Variants in CEP95 observed in about 807,000 individuals in gnomAD.
The protein encoded by CEP95 is centrosomal protein of 95 kDa.
In CEP95, 98 loss-of-function variants were observed where a neutral mutation model predicts 111.2. That is an observed-to-expected ratio of 0.88 (90% CI 0.75 to 1.04). The LOEUF is 1.04. Ranked by LOEUF, CEP95 falls within the 50% of genes least tolerant of loss-of-function variation. CEP95 has a pLI of 0.00. For synonymous variants in CEP95, 323 were observed against 327.1 expected, an observed-to-expected ratio of 0.99 and a Z score of 0.14; for missense variants, 1,027 against 977.2, an observed-to-expected ratio of 1.05 and a Z score of -0.68.
chr17:64,533,164 GAA>G lies in CEP95; in HGVS notation c.1892_1893del (p.Lys631ArgfsTer3), dbSNP rs1555680785. Reference protein sequence around the residue: ...RHDLLTTLVKKEYEHNKRLQD... With the variant: ...RHDLLTTLVKXEYEHNKRLQD... ...ATGACCTCCTTACTACCCTTGTCAA[GAA>G]AGAATATGAACATAACAAGAGACTG... On this transcript the variant is annotated frameshift_variant, in exon 16 of 20. Coordinates refer to ENST00000556440, the MANE Select transcript of CEP95 (RefSeq NM_138363.3). LOFTEE classifies it high-confidence loss of function. The G allele has an allele frequency of 6.3e-7, 1 of 1,589,846 alleles. No individual in the cohort carries two copies. The highest frequency in any genetic ancestry group is 1.2e-5 in the South Asian group (1 of 86,560).
At position 64,537,153 on chromosome 17, in the gene CEP95, A is replaced by C. The variant is rs1371821856; in HGVS notation, c.2289+41A>C. 3 of 1,597,540 alleles carry C rather than the reference A, an allele frequency of 1.9e-6. No homozygotes were observed. In the African/African-American group the frequency reaches 4.0e-5, roughly 22 times the overall value. On this transcript the variant is annotated intron_variant, in intron 19 of 19. Transcript: ENST00000556440. ...GAAGCCAAGTCATGCACTGCATGGC[A>C]ATGTTTCTTTCAGCAAGGGACCTCG...
chr17:64,507,820 G>C (rs1478568334), intron 1 of CEP95: 1 of 985,214 alleles, frequency 1.0e-6, no homozygotes, highest in Non-Finnish European at 1.2e-6. Context: ...TTCTAATACC[G>C]ATTGAAAGTG....
intron 7 of CEP95, among the ~76,000 whole-genome samples, chr17:64,522,176 T>C (rs1197562598): frequency 1.3e-5 from 2 of 152,164 alleles, no homozygotes; most frequent in African/African-American, 2.4e-5. Flanking sequence ...TGTTTCTTAT[T>C]ATCATCTCTG....
chr17:64,510,158 T>G lies in CEP95; in HGVS notation c.149-15T>G. 6 of 1,496,370 alleles carry G rather than the reference T, an allele frequency of 4.0e-6. No individual in the cohort carries two copies. The highest frequency in any genetic ancestry group is 5.5e-6 in the Non-Finnish European group (6 of 1,085,222). The allele number at this position is 1,496,370 out of a possible 1,614,324, so 92.7% of individuals were successfully genotyped here. ...TCTCATGGATACAAAATTATGTGATTTTTTCCCCCCCCAGACCTCATAGTT... is the reference window on the plus strand; with the variant it reads ...TCTCATGGATACAAAATTATGTGATGTTTTCCCCCCCCAGACCTCATAGTT... On this transcript the variant is annotated splice_polypyrimidine_tract_variant and intron_variant, in intron 2 of 19. Transcript: ENST00000556440.
intron 13 of CEP95, 22 bp from the exon 14 acceptor site, chr17:64,531,868 C>T: frequency 6.7e-7 from 1 of 1,491,090 alleles, no homozygotes; most frequent in Non-Finnish European, 8.9e-7. Flanking sequence ...TATTTTTATT[C>T]TGTTTTATAT....
At chr17:64,526,324 T>C (rs1184166630) in intron 10 of CEP95, 124 bp downstream of exon 10, 1 of 951,754 alleles carries the variant, frequency 1.1e-6, no homozygotes, top group South Asian at 2.2e-5. Context: ...ACTGTGAAAA[T>C]GTTCCGTAAG....
At chr17:64,510,097 T>C in intron 2 of CEP95, 76 bp from the exon 3 acceptor site, 3 of 767,918 alleles carry the variant, frequency 3.9e-6, no homozygotes. Context: ...GCATATTCAG[T>C]AGCCTAGTCA....
intron 13 of CEP95, 83 bp downstream of exon 13, chr17:64,531,101 G>T: frequency 2.9e-6 from 2 of 692,550 alleles, no homozygotes; most frequent in Non-Finnish European, 2.3e-6. Flanking sequence ...AAAGAAGAAG[G>T]GGCCAACAGG....
intron 3 of CEP95, 119 bp downstream of exon 3, chr17:64,510,399 T>TTTGG: frequency 1.5e-6 from 1 of 670,446 alleles, no homozygotes; most frequent in Non-Finnish European, 2.7e-6. Flanking sequence ...AATTGTAAGA[T>TTTGG]TGAGCTAAGA....
At chr17:64,517,051 T>C (rs1555676504) in intron 5 of CEP95, among the ~76,000 whole-genome samples, 1 of 152,062 alleles carries the variant, frequency 6.6e-6, no homozygotes, top group East Asian at 1.9e-4. Flanking sequence ...TATTTTTCTT[T>C]TTTTTTCTTT....
intron 8 of CEP95, 53 bp downstream of exon 8, chr17:64,522,948 C>CTG (rs1439675570): frequency 1.5e-6 from 2 of 1,372,316 alleles, no homozygotes; most frequent in Admixed American, 4.1e-5. Context: ...GTATGTATGT[C>CTG]TGTGTGTGTG....
intron 5 of CEP95, among the ~76,000 whole-genome samples, chr17:64,519,086 C>T (rs1293042865): frequency 6.6e-6 from 1 of 152,208 alleles, no homozygotes; most frequent in South Asian, 2.1e-4. Flanking sequence ...CCTTCACTCC[C>T]ACACCCTAGA....
intron 3 of CEP95, among the ~76,000 whole-genome samples, chr17:64,511,394 G>C (rs555889982): frequency 4.9e-4 from 75 of 152,324 alleles, no homozygotes; most frequent in Non-Finnish European, 9.4e-4. Context: ...CCTGCCCCCA[G>C]GCGTGTATTC....
In CEP95 at chr17:64,530,942, T is replaced by A. The variant is rs1968235566; in HGVS notation, c.1463T>A (p.Phe488Tyr). The A allele has an allele frequency of 1.3e-6, 2 of 1,554,876 alleles. No homozygotes were observed. Among genetic ancestry groups the A allele is most frequent in the South Asian group, 2.4e-5 (2 of 83,528 alleles). Reference sequence around the variant, plus strand: ...CCCCTTTAGGCGTTTACTGAAGCATTTGAAAGGGAACTAAGAAGACATAAA... The same window carrying A: ...CCCCTTTAGGCGTTTACTGAAGCATATGAAAGGGAACTAAGAAGACATAAA... ...QFQAQAFTEA[F>Y]ERELRRHKVQ... is the part of the protein sequence containing the mutation. The change falls in exon 13 of 20, where the codon TTT (phenylalanine) becomes TAT (tyrosine). Residue 488 changes from phenylalanine (F) to tyrosine (Y), a missense_variant. Transcript: ENST00000556440.
intron 12 of CEP95, 73 bp downstream of exon 12, chr17:64,529,500 A>T: frequency 6.8e-7 from 1 of 1,474,934 alleles, no homozygotes; most frequent in Non-Finnish European, 9.3e-7. Flanking sequence ...GCTACCATGA[A>T]CATGCTGTTG....
Position 64,534,722 on chromosome 17 carries a change from G to A in CEP95, c.2055G>A (p.Arg685=), listed in dbSNP as rs782300362. 6.2e-7 allele frequency: 1 copy of A among 1,611,806 alleles called. No individual in the cohort carries two copies. The highest frequency in any genetic ancestry group is 2.2e-5 in the East Asian group (1 of 44,792). ...VQLCAKMMRM[R]TREEMIFKKL... ...TGTGTGCAAAAATGATGAGAATGAGGACCCGGGAAGAAATGGTAAGTCTGA... is the reference window on the plus strand; with the variant it reads ...TGTGTGCAAAAATGATGAGAATGAGAACCCGGGAAGAAATGGTAAGTCTGA... The change falls in exon 17 of 20, where the codon AGG becomes AGA. Residue 685 remains arginine (R), a synonymous_variant. Coordinates refer to ENST00000556440, the MANE Select transcript of CEP95 (RefSeq NM_138363.3).
chr17:64,511,002 G>GC (rs1408510809), intron 3 of CEP95, among the ~76,000 whole-genome samples: 1 of 152,184 alleles, frequency 6.6e-6, no homozygotes, highest in Admixed American at 6.5e-5. Flanking sequence ...GTTCCGTGAT[G>GC]CCCCACAAGC....
In CEP95 at chr17:64,526,161, A is replaced by G. The variant is rs993287335; in HGVS notation, c.1113A>G (p.Val371=). 5.6e-6 allele frequency: 9 copies of G among 1,613,346 alleles called. No homozygotes were observed. The highest frequency in any genetic ancestry group is 2.7e-5 in the African/African-American group (2 of 74,912). The change falls in exon 10 of 20, where the codon GTA becomes GTG. Residue 371 remains valine (V), a synonymous_variant. Transcript: ENST00000556440. Reference sequence around the variant, plus strand: ...TAACAGAACAAGAATTACATGATGTATCAGAAAAACTCTCTCAGCGGCTTT... The same window carrying G: ...TAACAGAACAAGAATTACATGATGTGTCAGAAAAACTCTCTCAGCGGCTTT... ...KRLTEQELHD[V]SEKLSQRLSE...
Position 64,507,158 on chromosome 17 carries a change from C to T in CEP95, c.19+42C>T, listed in dbSNP as rs547491045. Reference sequence around the variant, plus strand: ...GGTCCCAGTATGTGTGGACTGAAACCGTCCACCTCCAGGGAGGCCTCGGGC... The same window carrying T: ...GGTCCCAGTATGTGTGGACTGAAACTGTCCACCTCCAGGGAGGCCTCGGGC... On this transcript the variant is annotated intron_variant, in intron 1 of 19. Transcript: ENST00000556440. The T allele has an allele frequency of 2.6e-6, 4 of 1,551,184 alleles. No homozygotes were observed. The South Asian group carries it at 3.6e-5, about 14-fold the overall frequency.
Sources: allele counts gnomAD v4.1 joint callset (sites outside exome capture counted in the v4.1 genomes callset), GRCh38; gene constraint gnomAD v4.1.1; transcripts MANE v1.5; gene names NCBI Gene and HGNC (gene_info 2026-07-23, HGNC 2026-07-21).